Variants in WARS2 observed in about 807,000 individuals in gnomAD.
The protein encoded by WARS2 is tryptophan--tRNA ligase, mitochondrial.
Under a neutral mutation model 36.5 loss-of-function variants are expected in WARS2, and 28 were observed. The observed-to-expected ratio is 0.77, with a 90% CI of 0.57 to 1.05. WARS2 has a LOEUF of 1.05. WARS2 is among the 50% of genes least tolerant of loss of function. WARS2 has a pLI of 0.00. For synonymous variants in WARS2, 174 were observed against 178.4 expected, an observed-to-expected ratio of 0.98 and a Z score of 0.20; for missense variants, 435 against 456.8, an observed-to-expected ratio of 0.95 and a Z score of 0.44.
At chr1:119,109,723 A>G (rs1254654483) in intron 1 of WARS2, among the ~76,000 whole-genome samples, 3 of 151,906 alleles carry the variant, frequency 2.0e-5, no homozygotes, top group African/African-American at 7.2e-5. Context: ...TAGGTGGATT[A>G]ACATCTACCA....
intron 1 of WARS2, among the ~76,000 whole-genome samples, chr1:119,111,013 T>G (rs1654593281): frequency 6.6e-6 from 1 of 152,194 alleles, no homozygotes; most frequent in Admixed American, 6.5e-5. Context: ...ATCTCTCTGC[T>G]TAAATTACCT....
At chr1:119,090,233 G>A (rs747376239) in intron 1 of WARS2, among the ~76,000 whole-genome samples, 3 of 152,086 alleles carry the variant, frequency 2.0e-5, no homozygotes, top group Non-Finnish European at 4.4e-5. Context: ...GAATAGATAC[G>A]AAGGTAGGTC....
rs754670619 is a variant in WARS2 at position 119,140,539 on chromosome 1, G to C, written c.90+16C>G. 34 of 1,610,990 alleles carry C rather than the reference G, an allele frequency of 2.1e-5. No individual in the cohort carries two copies. The highest frequency in any genetic ancestry group is 3.3e-5 in the Admixed American group (2 of 59,776). On this transcript the variant is annotated intron_variant, in intron 1 of 5. Coordinates refer to ENST00000235521, the MANE Select transcript of WARS2 (RefSeq NM_015836.4). ...CGGGATGGGAAGCCGCGGAGGGAAGGGCCGTCTTTGGTTACCTGGAGAGCG... is the reference window on the plus strand; with the variant it reads ...CGGGATGGGAAGCCGCGGAGGGAAGCGCCGTCTTTGGTTACCTGGAGAGCG...
intron 1 of WARS2, among the ~76,000 whole-genome samples, chr1:119,079,047 T>C (rs1651988630): frequency 6.6e-6 from 1 of 152,012 alleles, no homozygotes; most frequent in Non-Finnish European, 1.5e-5. Flanking sequence ...CCATCTGGAG[T>C]TTTTTTGCAT....
chr1:119,109,760 C>T (rs1265599444), intron 1 of WARS2, among the ~76,000 whole-genome samples: 1 of 151,504 alleles, frequency 6.6e-6, no homozygotes, highest in Non-Finnish European at 1.5e-5. Context: ...CTACTTGTGG[C>T]CTTTTGTTCT....
chr1:119,066,661 T>C (rs1184937868), intron 2 of WARS2, among the ~76,000 whole-genome samples: 1 of 151,832 alleles, frequency 6.6e-6, no homozygotes, highest in Non-Finnish European at 1.5e-5. Flanking sequence ...ACATAAGAAA[T>C]AAATGCTTAA....
chr1:119,137,171 T>G (rs1281269185), intron 1 of WARS2, among the ~76,000 whole-genome samples: 3 of 152,172 alleles, frequency 2.0e-5, no homozygotes, highest in African/African-American at 7.2e-5. Context: ...CCAATATTAA[T>G]TTCTTGATTT....
At chr1:119,045,512 A>G in intron 3 of WARS2, 70 bp downstream of exon 3, 1 of 1,364,454 alleles carries the variant, frequency 7.3e-7, no homozygotes, top group Non-Finnish European at 1.0e-6. Context: ...TAAACTCAGG[A>G]TTCCCAGAGC....
intron 1 of WARS2, among the ~76,000 whole-genome samples, chr1:119,106,245 C>T (rs1012419504): frequency 2.6e-5 from 4 of 152,120 alleles, no homozygotes; most frequent in Non-Finnish European, 4.4e-5. Flanking sequence ...ATATATATCA[C>T]CTTCCCCACT....
chr1:119,047,452 C>A (rs1465418852), intron 2 of WARS2: 1 of 152,174 alleles, frequency 6.6e-6, no homozygotes, highest in Non-Finnish European at 1.5e-5. Flanking sequence ...GAGTATTTTC[C>A]TTGGAGTAGC....
chr1:119,099,791 C>T (rs921759295), intron 1 of WARS2, among the ~76,000 whole-genome samples: 3 of 152,092 alleles, frequency 2.0e-5, no homozygotes, highest in African/African-American at 7.2e-5. Flanking sequence ...TTACCATATA[C>T]AGAAATCAAC....
chr1:119,055,055 T>C (rs1442790163), intron 2 of WARS2, among the ~76,000 whole-genome samples: 1 of 152,328 alleles, frequency 6.6e-6, no homozygotes, highest in Non-Finnish European at 1.5e-5. Flanking sequence ...GTTTTACAAA[T>C]TTCAAAAATT....
chr1:119,123,603 AACAC>A (rs61318006), intron 1 of WARS2, among the ~76,000 whole-genome samples: 51 of 151,170 alleles, frequency 3.4e-4, no homozygotes, highest in African/African-American at 1.1e-3. Context: ...TGTGCATGCA[AACAC>A]ACACACACAC....
intron 2 of WARS2, among the ~76,000 whole-genome samples, chr1:119,070,746 TAA>T (rs1221689995): frequency 6.6e-6 from 1 of 151,596 alleles, no homozygotes; most frequent in Non-Finnish European, 1.5e-5. Context: ...CTGTCATAAA[TAA>T]ATAAATAAAT....
chr1:119,085,776 C>T lies in WARS2; in HGVS notation c.91-9169G>A, dbSNP rs1210949670. ...CATGAGATTAATGTTAACAATCTCCCCATACTGTGAGAACACACAGATGAT... is the reference window on the plus strand; with the variant it reads ...CATGAGATTAATGTTAACAATCTCCTCATACTGTGAGAACACACAGATGAT... On this transcript the variant is annotated intron_variant, in intron 1 of 5. Coordinates refer to ENST00000235521, the MANE Select transcript of WARS2 (RefSeq NM_015836.4). 51 of 1,601,652 alleles carry T rather than the reference C, an allele frequency of 3.2e-5. 1 individual carries two copies. In the East Asian group the frequency reaches 1.1e-3, roughly 34 times the overall value.
chr1:119,113,254 G>A (rs900784934), intron 1 of WARS2, among the ~76,000 whole-genome samples: 9 of 152,184 alleles, frequency 5.9e-5, no homozygotes, highest in African/African-American at 1.4e-4. Context: ...CACTGCCACT[G>A]TATACTGCTA....
intron 2 of WARS2, among the ~76,000 whole-genome samples, chr1:119,051,977 C>A (rs990998547): frequency 8.6e-5 from 13 of 151,968 alleles, no homozygotes; most frequent in Non-Finnish European, 1.5e-4. Flanking sequence ...CCAGGCTGGT[C>A]TTGAACTCCT....
chr1:119,112,512 A>G (rs1333438025), intron 1 of WARS2, among the ~76,000 whole-genome samples: 1 of 152,220 alleles, frequency 6.6e-6, no homozygotes, highest in Non-Finnish European at 1.5e-5. Flanking sequence ...AATGCAGAAC[A>G]CAGAAGGACT....
chr1:119,084,331 T>TA (rs1652452329), intron 1 of WARS2, among the ~76,000 whole-genome samples: 1 of 152,188 alleles, frequency 6.6e-6, no homozygotes, highest in African/African-American at 2.4e-5. Flanking sequence ...TTTGGGATGA[T>TA]AAAAAATGTT....
Sources: gnomAD v4.1 joint callset for allele counts (sites outside exome capture counted in the v4.1 genomes callset) on GRCh38, gnomAD v4.1.1 for gene constraint, MANE v1.5 for transcripts, NCBI Gene and HGNC (gene_info 2026-07-23, HGNC 2026-07-21) for gene names.